Variants in ZC3H14 observed in about 807,000 individuals in gnomAD.
The protein encoded by ZC3H14 is zinc finger CCCH-type containing 14, also known as zinc finger CCCH domain-containing protein 14.
Under a neutral mutation model 92.4 loss-of-function variants are expected in ZC3H14, and 31 were observed. The ratio of observed to expected loss-of-function variants is 0.34; its 90% CI spans 0.25 to 0.45. The LOEUF is 0.45. Among genes scored for constraint, ZC3H14 ranks in the 20% least tolerant of loss-of-function variants. ZC3H14 has a pLI of 1.00. For missense variants in ZC3H14, 781 were observed against 897.3 expected (o/e 0.87, Z 1.66); for synonymous variants, 321 against 300.9 (o/e 1.07, Z -0.69).
At chr14:88,563,534 C>G (rs1279199627) in intron 1 of ZC3H14, 117 bp from the exon 2 acceptor site, 2 of 1,583,184 alleles carry the variant, frequency 1.3e-6, no homozygotes, top group African/African-American at 1.3e-5. Flanking sequence ...CCTCCCAGCC[C>G]CCGCCCGGGG....
In ZC3H14 at chr14:88,615,728, G is replaced by T; in HGVS notation, c.*3977G>T. The T allele has an allele frequency of 8.1e-7, 1 of 1,230,236 alleles. No homozygotes were observed. Among genetic ancestry groups the T allele is most frequent in the Non-Finnish European group, 1.2e-6 (1 of 866,906 alleles). 76.2% of individuals were successfully genotyped at this position (1,230,236 alleles called of 1,614,324 possible). ...TTCTCCCTGTTACAGTCTTGGGTTA[G>T]CACCACTTGACCATGCAGGGTTGGG... On this transcript the variant is annotated 3_prime_UTR_variant, in exon 17 of 17. Transcript: ENST00000251038.
In ZC3H14 at chr14:88,568,022, C is replaced by T; in HGVS notation, c.80-17C>T. 6.2e-7 allele frequency: 1 copy of T among 1,605,892 alleles called. No individual in the cohort carries two copies. Among genetic ancestry groups the T allele is most frequent in the Non-Finnish European group, 8.5e-7 (1 of 1,172,950 alleles). ...TTTGAGGAAACAAAGTTTTGATCTA[C>T]CTTTCCTTTTAAATAGATGAAGAAC... On this transcript the variant is annotated splice_polypyrimidine_tract_variant and intron_variant, in intron 2 of 16. Transcript: ENST00000251038.
Position 88,615,875 on chromosome 14 carries a change from T to G in ZC3H14, c.*4124T>G. 1 of 1,606,404 alleles carries G rather than the reference T, an allele frequency of 6.2e-7. No individual in the cohort carries two copies. Among genetic ancestry groups the G allele is most frequent in the South Asian group, 1.1e-5 (1 of 89,302 alleles). On this transcript the variant is annotated 3_prime_UTR_variant, in exon 17 of 17. Coordinates refer to ENST00000251038, the MANE Select transcript of ZC3H14 (RefSeq NM_024824.5). ...ATAAGCTGCAATCAGAGAAGAAAAT[T>G]GCAGGGAGTTAATTATGTTTTTAGA...
intron 10 of ZC3H14, among the ~76,000 whole-genome samples, chr14:88,599,252 G>A (rs1459675470): frequency 2.0e-5 from 3 of 152,138 alleles, no homozygotes; most frequent in African/African-American, 7.2e-5. Context: ...GAATTGGATT[G>A]CTTCATTATT....
rs1011635846 is a variant in ZC3H14 at position 88,627,216 on chromosome 14, G to A, written c.*15465G>A. The A allele has an allele frequency of 1.6e-6, 1 of 639,150 alleles. No individual in the cohort carries two copies. Among genetic ancestry groups the A allele is most frequent in the African/African-American group, 1.8e-5 (1 of 54,690 alleles). The allele number at this position is 639,150 out of a possible 1,614,324, so 39.6% of individuals were successfully genotyped here. On this transcript the variant is annotated 3_prime_UTR_variant, in exon 17 of 17. Coordinates refer to ENST00000251038, the MANE Select transcript of ZC3H14 (RefSeq NM_024824.5). ...TGATTTACAATTATTTGTGTATTGA[G>A]TCCTTTTCACTTATCTTCGCTCCAT...
intron 10 of ZC3H14, among the ~76,000 whole-genome samples, chr14:88,598,135 A>G (rs2140010524): frequency 6.6e-6 from 1 of 152,088 alleles, no homozygotes; most frequent in South Asian, 2.1e-4. Flanking sequence ...TTCCCCTCTG[A>G]TGTCTGGGGA....
chr14:88,593,390 A>T (rs1300275983), intron 9 of ZC3H14, among the ~76,000 whole-genome samples: 1 of 152,192 alleles, frequency 6.6e-6, no homozygotes, highest in African/African-American at 2.4e-5. Flanking sequence ...CCTAAAATTC[A>T]TATGGAAATA....
At chr14:88,607,605 G>C (rs1214689968) in intron 13 of ZC3H14, among the ~76,000 whole-genome samples, 2 of 105,872 alleles carry the variant, frequency 1.9e-5, no homozygotes, top group Non-Finnish European at 3.6e-5. Flanking sequence ...ATCTCACCCT[G>C]TAACTACCAT....
intron 9 of ZC3H14, chr14:88,594,335 C>CT (rs1239051677): frequency 1.3e-5 from 12 of 956,904 alleles, no homozygotes; most frequent in Non-Finnish European, 1.5e-5. Flanking sequence ...ATAGAAAATT[C>CT]TTTGTGTGAC....
At position 88,626,694 on chromosome 14, in the gene ZC3H14, GA is replaced by G. The variant is rs1231494984; in HGVS notation, c.*14946del. ...TAATTTCTGAAAGAACTAGATTTTT[GA>G]AAGATGAAATATATGCTTGACCAGG... On this transcript the variant is annotated 3_prime_UTR_variant, in exon 17 of 17. Coordinates refer to ENST00000251038, the MANE Select transcript of ZC3H14 (RefSeq NM_024824.5). The G allele has an allele frequency of 1.2e-6, 1 of 800,328 alleles. No homozygotes were observed. Among genetic ancestry groups the G allele is most frequent in the East Asian group, 2.8e-5 (1 of 36,182 alleles). The allele number at this position is 800,328 out of a possible 1,614,324, so 49.6% of individuals were successfully genotyped here.
chr14:88,620,804 T>C lies in ZC3H14; in HGVS notation c.*9053T>C. The C allele has an allele frequency of 6.2e-7, 1 of 1,609,016 alleles. No homozygotes were observed. On this transcript the variant is annotated 3_prime_UTR_variant, in exon 17 of 17. Coordinates refer to ENST00000251038, the MANE Select transcript of ZC3H14 (RefSeq NM_024824.5). The surrounding 1 kb of genome is among the most constrained non-coding windows in gnomAD (Gnocchi z 4.3). ...TGTCTCTCTTCTTTCCCCATATTTT[T>C]AGAGAACTCACTAGTAAAATGATAA...
chr14:88,604,644 A>G (rs1224884157), intron 12 of ZC3H14, among the ~76,000 whole-genome samples: 1 of 147,422 alleles, frequency 6.8e-6, no homozygotes, highest in Non-Finnish European at 1.5e-5. Flanking sequence ...CCCAGGCTGG[A>G]GTGCAATGGA....
intron 8 of ZC3H14, among the ~76,000 whole-genome samples, chr14:88,576,688 A>T (rs1310879778): frequency 6.6e-6 from 1 of 152,078 alleles, no homozygotes; most frequent in Non-Finnish European, 1.5e-5. Context: ...TTTGCTGTGG[A>T]TTTGGTGGGT....
chr14:88,611,122 T>C (rs2086636055), intron 16 of ZC3H14, among the ~76,000 whole-genome samples, 182 bp downstream of exon 16: 1 of 152,202 alleles, frequency 6.6e-6, no homozygotes, highest in African/African-American at 2.4e-5. Flanking sequence ...AATTTTACAT[T>C]ATCCAGTGGT....
intron 11 of ZC3H14, 133 bp from the exon 12 acceptor site, chr14:88,602,695 C>A (rs1057120947): frequency 3.3e-6 from 3 of 909,292 alleles, no homozygotes; most frequent in Non-Finnish European, 3.5e-6. Context: ...CACCTGGTAG[C>A]CCTACCTAGT....
chr14:88,566,795 C>T (rs1400579378), intron 2 of ZC3H14, among the ~76,000 whole-genome samples: 1 of 151,966 alleles, frequency 6.6e-6, no homozygotes. Context: ...TGGCAGGTGC[C>T]TGTAATCCCA....
chr14:88,602,752 C>A, intron 11 of ZC3H14, 76 bp from the exon 12 acceptor site: 1 of 1,469,006 alleles, frequency 6.8e-7, no homozygotes, highest in Non-Finnish European at 9.4e-7. Context: ...GATAGTTCTG[C>A]TGAAGAGCAC....
chr14:88,564,974 T>A (rs917670617), intron 2 of ZC3H14, among the ~76,000 whole-genome samples: 3 of 152,182 alleles, frequency 2.0e-5, no homozygotes, highest in African/African-American at 7.2e-5. Flanking sequence ...GATATTTACT[T>A]GAAAGTGAGC....
At chr14:88,602,785 G>T (rs1203142836) in intron 11 of ZC3H14, 43 bp from the exon 12 acceptor site, 2 of 1,602,282 alleles carry the variant, frequency 1.2e-6, no homozygotes, top group Non-Finnish European at 1.7e-6. Flanking sequence ...AGCGTTTTGT[G>T]TTTGTTTCCC....
Sources: allele counts gnomAD v4.1 joint callset (sites outside exome capture counted in the v4.1 genomes callset), GRCh38; gene constraint gnomAD v4.1.1; non-coding constraint Gnocchi (gnomAD v3.1); transcripts MANE v1.5; gene names NCBI Gene and HGNC (gene_info 2026-07-23, HGNC 2026-07-21).